IL1RAPL2: variants seen among roughly 807,000 people sequenced by gnomAD.
IL1RAPL2 encodes X-linked interleukin-1 receptor accessory protein-like 2.
A neutral mutation model predicts 44.1 loss-of-function variants in IL1RAPL2; 3 were observed. That is an observed-to-expected ratio of 0.07 (90% CI 0.03 to 0.18). The LOEUF is 0.18. Among genes scored for constraint, IL1RAPL2 ranks in the 10% least tolerant of loss-of-function variants. The pLI is 1.00. For synonymous variants in IL1RAPL2, 181 were observed against 178.8 expected (o/e 1.01, Z -0.10); for missense variants, 391 against 496.4 (o/e 0.79, Z 2.02).
chrX:104,829,585 T>C (rs1705075759), intron 2 of IL1RAPL2, among the ~76,000 whole-genome samples: 1 of 112,599 alleles, frequency 8.9e-6, no homozygotes, highest in Non-Finnish European at 1.9e-5. Context: ...GCCATCTTGG[T>C]AAATCTGTTT....
chrX:105,014,602 A>G (rs1160561991), intron 2 of IL1RAPL2, among the ~76,000 whole-genome samples: 3 of 111,943 alleles, frequency 2.7e-5, no homozygotes, highest in African/African-American at 9.8e-5. Context: ...GCTGAGAATG[A>G]TGTTTTCCAG....
chrX:105,745,216 A>G (rs2038530949), intron 8 of IL1RAPL2, among the ~76,000 whole-genome samples: 1 of 111,519 alleles, frequency 9.0e-6, no homozygotes, highest in African/African-American at 3.3e-5. Flanking sequence ...CTCTAAGATG[A>G]CTGAGGAATT....
intron 5 of IL1RAPL2, chrX:105,406,281 C>T: frequency 1.9e-6 from 2 of 1,052,719 alleles, no homozygotes; most frequent in Non-Finnish European, 2.7e-6. Flanking sequence ...CATAGAGGCG[C>T]TTTCTTAATT....
intron 1 of IL1RAPL2, among the ~76,000 whole-genome samples, chrX:104,591,142 C>T (rs1230120482): frequency 9.0e-6 from 1 of 111,655 alleles, no homozygotes; most frequent in Non-Finnish European, 1.9e-5. Flanking sequence ...TACTTTTTTT[C>T]CTTCTCTGCT....
intron 2 of IL1RAPL2, among the ~76,000 whole-genome samples, chrX:104,890,060 T>A (rs1192084564): frequency 1.8e-5 from 2 of 111,575 alleles, no homozygotes; most frequent in African/African-American, 6.5e-5. Context: ...TTTGGTTTTT[T>A]GTCCTTGCGA....
At chrX:104,908,104 T>TAAACC (rs1274231172) in intron 2 of IL1RAPL2, among the ~76,000 whole-genome samples, 19 of 110,676 alleles carry the variant, frequency 1.7e-4, no homozygotes, top group African/African-American at 5.9e-4. Flanking sequence ...AAGTCTGTTT[T>TAAACC]ATCAGAGACT....
chrX:104,620,484 C>A (rs1020486573), intron 1 of IL1RAPL2, among the ~76,000 whole-genome samples: 3 of 106,432 alleles, frequency 2.8e-5, no homozygotes, highest in Non-Finnish European at 5.8e-5. Context: ...CTAAAAAATA[C>A]AAAAGATTAG....
At chrX:104,674,103 C>T (rs751785054) in intron 2 of IL1RAPL2, among the ~76,000 whole-genome samples, 1 of 111,544 alleles carries the variant, frequency 9.0e-6, no homozygotes, top group Admixed American at 9.5e-5. Context: ...TTTCTCCTGC[C>T]TAATTGCCCT....
chrX:105,254,572 T>C (rs1418994170), intron 4 of IL1RAPL2, among the ~76,000 whole-genome samples: 2 of 112,346 alleles, frequency 1.8e-5, no homozygotes, highest in African/African-American at 3.2e-5. Flanking sequence ...ACCCTACTTG[T>C]CAATTTTTGC....
chrX:104,600,234 T>C (rs963021786), intron 1 of IL1RAPL2, among the ~76,000 whole-genome samples: 1 of 111,785 alleles, frequency 8.9e-6, no homozygotes, highest in Non-Finnish European at 1.9e-5. Context: ...TTCTTAGAGG[T>C]ATCTTTGACA....
chrX:104,636,888 C>T (rs187685458), intron 1 of IL1RAPL2, among the ~76,000 whole-genome samples: 7 of 111,500 alleles, frequency 6.3e-5, no homozygotes, highest in East Asian at 5.7e-4. Context: ...GAGATGAACC[C>T]GGTACCTCAG....
intron 2 of IL1RAPL2, among the ~76,000 whole-genome samples, chrX:105,152,462 G>T (rs1215504027): frequency 8.9e-6 from 1 of 111,986 alleles, no homozygotes; most frequent in Non-Finnish European, 1.9e-5. Flanking sequence ...AATTAATTGA[G>T]ACATTTTATG....
intron 5 of IL1RAPL2, among the ~76,000 whole-genome samples, chrX:105,444,228 T>C (rs949899451): frequency 1.8e-5 from 2 of 112,088 alleles, no homozygotes; most frequent in Admixed American, 1.9e-4. Context: ...ACACCTTATA[T>C]ATTCTGGTTA....
intron 2 of IL1RAPL2, among the ~76,000 whole-genome samples, chrX:105,021,606 A>C (rs1217546210): frequency 5.4e-5 from 6 of 111,192 alleles, no homozygotes; most frequent in African/African-American, 2.0e-4. Flanking sequence ...AATTCTCAGG[A>C]TATCGATTGT....
intron 4 of IL1RAPL2, among the ~76,000 whole-genome samples, chrX:105,240,244 T>C (rs2034158498): frequency 8.9e-6 from 1 of 112,857 alleles, no homozygotes. Context: ...ATTGGTCTTA[T>C]GTCCTCTTGA....
At chrX:104,945,253 GT>G (rs1925312931) in intron 2 of IL1RAPL2, among the ~76,000 whole-genome samples, 1 of 110,390 alleles carries the variant, frequency 9.1e-6, no homozygotes. Context: ...ACAAAATAAA[GT>G]TTAAAGAAAA....
intron 2 of IL1RAPL2, among the ~76,000 whole-genome samples, chrX:105,136,757 A>G (rs778291648): frequency 1.8e-5 from 2 of 112,075 alleles, no homozygotes; most frequent in Non-Finnish European, 3.8e-5. Context: ...GCATAGCAAG[A>G]GATAAGAGGA....
At chrX:105,542,481 T>A (rs2036746228) in intron 6 of IL1RAPL2, among the ~76,000 whole-genome samples, 1 of 110,796 alleles carries the variant, frequency 9.0e-6, no homozygotes, top group African/African-American at 3.3e-5. Flanking sequence ...ATGTTTAGTT[T>A]TAAGAAGCTA....
At chrX:104,783,702 G>T (rs1340356859) in intron 2 of IL1RAPL2, among the ~76,000 whole-genome samples, 1 of 108,084 alleles carries the variant, frequency 9.3e-6, no homozygotes, top group Non-Finnish European at 1.9e-5. Flanking sequence ...TCAGTGTACA[G>T]GTTATCTCCA....
Sources: gnomAD v4.1 joint callset for allele counts (sites outside exome capture counted in the v4.1 genomes callset) on GRCh38, gnomAD v4.1.1 for gene constraint, MANE v1.5 for transcripts, NCBI Gene and HGNC (gene_info 2026-07-23, HGNC 2026-07-21) for gene names.